The following COBL variants were observed in gnomAD, a reference collection of about 807,000 sequenced individuals.
The protein encoded by COBL is protein cordon-bleu.
Under a neutral mutation model 98.8 loss-of-function variants are expected in COBL, and 51 were observed. The observed-to-expected ratio is 0.52, with a 90% CI of 0.41 to 0.65. The LOEUF (loss-of-function observed/expected upper bound fraction) is 0.65, where lower values mean the gene tolerates loss of function less well. Among genes scored for constraint, COBL ranks in the 30% least tolerant of loss-of-function variants. The pLI is 0.00. For synonymous variants in COBL, 634 were observed against 651.7 expected (o/e 0.97, Z 0.41); for missense variants, 1,617 against 1,617.5 (o/e 1.00, Z 0.01).
chr7:51,154,450 T>G (rs1785900848), intron 5 of COBL, among the ~76,000 whole-genome samples: 1 of 152,176 alleles, frequency 6.6e-6, no homozygotes, highest in Admixed American at 6.5e-5. Context: ...CAAATAGGAT[T>G]CTAATGGAGG....
intron 11 of COBL, 120 bp downstream of exon 11, chr7:51,026,426 C>T (rs1222177008): frequency 8.1e-6 from 11 of 1,354,218 alleles, no homozygotes; most frequent in Non-Finnish European, 8.0e-6. Context: ...ACTCTAAAGA[C>T]AGATGGTTCA....
At position 51,184,716 on chromosome 7, in the gene COBL, G is replaced by A. The variant is rs1242557532; in HGVS notation, c.686-517C>T. Among the ~76,000 whole-genome samples the A allele has an allele frequency of 2.0e-5, 3 of 152,318 alleles. No individual in the cohort carries two copies. In the East Asian group the frequency reaches 5.8e-4, roughly 29 times the overall value. On this transcript the variant is annotated intron_variant, in intron 4 of 12. Transcript: ENST00000265136. Reference sequence around the variant, plus strand: ...AATCCAGCAGCCCTTTAGGCTTACAGCATATCAGTGTGGACTCGGTACATG... The same window carrying A: ...AATCCAGCAGCCCTTTAGGCTTACAACATATCAGTGTGGACTCGGTACATG...
intron 5 of COBL, among the ~76,000 whole-genome samples, chr7:51,138,529 G>T (rs530309249): frequency 6.6e-6 from 1 of 152,282 alleles, no homozygotes; most frequent in South Asian, 2.1e-4. Flanking sequence ...AGATCCAGGG[G>T]GAATGCAAAC....
intron 12 of COBL, chr7:51,020,853 C>T (rs537954203): frequency 6.6e-6 from 1 of 152,364 alleles, no homozygotes. Context: ...AATGTAATTT[C>T]AATTGCCTTG....
intron 8 of COBL, chr7:51,031,200 A>G: frequency 3.0e-6 from 1 of 335,234 alleles, no homozygotes. Flanking sequence ...GTGGGGCCCC[A>G]AAGTGTTACA....
chr7:51,017,939 C>T (rs1329835951), intron 12 of COBL, among the ~76,000 whole-genome samples: 1 of 152,212 alleles, frequency 6.6e-6, no homozygotes, highest in East Asian at 1.9e-4. Flanking sequence ...TCGTGACTAA[C>T]ATTTGATGTG....
intron 7 of COBL, among the ~76,000 whole-genome samples, chr7:51,049,436 G>A (rs1165799973): frequency 6.6e-6 from 1 of 152,160 alleles, no homozygotes; most frequent in Non-Finnish European, 1.5e-5. Context: ...ATGAATTCCA[G>A]GAAAGAATAC....
In COBL at chr7:51,028,659, G is replaced by A. The variant is rs780773513; in HGVS notation, c.2437C>T (p.Pro813Ser). Residue 813 changes from proline to serine, a missense_variant, in exon 10 of 13, where the codon CCA (proline) becomes TCA (serine). Physicochemically the swap from Pro to Ser is moderately conservative, Grantham distance 74. Coordinates refer to ENST00000265136, the MANE Select transcript of COBL (RefSeq NM_015198.5). Reference sequence around the variant, plus strand: ...GCAGACTTCTGCTGGGGCGATATTGGCTTGGGGTCTGCTTGGAGTCTGCTC... The same window carrying A: ...GCAGACTTCTGCTGGGGCGATATTGACTTGGGGTCTGCTTGGAGTCTGCTC... ...PESRLQADPK[P>S]ISPQQKSAHH... 1.9e-6 allele frequency: 3 copies of A among 1,612,988 alleles called. No homozygotes were observed. Among genetic ancestry groups the A allele is most frequent in the Non-Finnish European group, 2.5e-6 (3 of 1,179,366 alleles).
At chr7:51,018,104 C>T (rs1453709731) in intron 12 of COBL, among the ~76,000 whole-genome samples, 1 of 152,160 alleles carries the variant, frequency 6.6e-6, no homozygotes, top group Non-Finnish European at 1.5e-5. Flanking sequence ...ATGGTAAGCA[C>T]ACAGGAAGTA....
intron 12 of COBL, among the ~76,000 whole-genome samples, chr7:51,021,702 G>A (rs1411577936): frequency 1.3e-5 from 2 of 152,120 alleles, no homozygotes; most frequent in Non-Finnish European, 1.5e-5. Flanking sequence ...TTTGATGTTC[G>A]CATGCCATAA....
At chr7:51,148,041 T>C (rs953515471) in intron 5 of COBL, among the ~76,000 whole-genome samples, 4 of 152,080 alleles carry the variant, frequency 2.6e-5, no homozygotes, top group African/African-American at 7.2e-5. Flanking sequence ...GGATTACAGG[T>C]GTGAGCCACC....
intron 2 of COBL, among the ~76,000 whole-genome samples, chr7:51,214,881 TA>T (rs1792877350): frequency 6.6e-6 from 1 of 152,158 alleles, no homozygotes; most frequent in Non-Finnish European, 1.5e-5. Context: ...CAGGGAGGCC[TA>T]CAGGATACTC....
intron 6 of COBL, among the ~76,000 whole-genome samples, chr7:51,107,380 C>A (rs934913926): frequency 2.6e-5 from 4 of 152,122 alleles, no homozygotes; most frequent in Non-Finnish European, 5.9e-5. Context: ...AGCCACCACA[C>A]CCAGCCCTAG....
At chr7:51,171,558 G>A (rs1203521073) in intron 5 of COBL, among the ~76,000 whole-genome samples, 1 of 151,944 alleles carries the variant, frequency 6.6e-6, no homozygotes, top group East Asian at 1.9e-4. Flanking sequence ...TTTTTTAATT[G>A]TCTTTCATCT....
rs28508304 is a variant in COBL, at chr7:51,105,642, A to G, written c.958-20338T>C. 3.1e-3 allele frequency among the ~76,000 whole-genome samples: 474 copies of G among 152,002 alleles called. 1 individual carries two copies. The highest frequency in any genetic ancestry group is 0.011 in the African/African-American group (458 of 41,446). ...GACATGCACCTGTGGTCCCAGCTAC[A>G]CAGGAGGCTGAGGCAGGAGGATTGA... On this transcript the variant is annotated intron_variant, in intron 6 of 12. Coordinates refer to ENST00000265136, the MANE Select transcript of COBL (RefSeq NM_015198.5).
At chr7:51,163,548 T>C (rs1046126127) in intron 5 of COBL, among the ~76,000 whole-genome samples, 1 of 152,248 alleles carries the variant, frequency 6.6e-6, no homozygotes, top group African/African-American at 2.4e-5. Flanking sequence ...TTAATATTAA[T>C]CTATCACATT....
intron 1 of COBL, among the ~76,000 whole-genome samples, chr7:51,313,118 A>G (rs968315691): frequency 2.0e-5 from 3 of 152,356 alleles, no homozygotes; most frequent in African/African-American, 7.2e-5. Context: ...ATCTAACGGG[A>G]AAAGTTTTAT....
At position 51,085,308 on chromosome 7, in the gene COBL, T is replaced by G. The variant is rs1308479865; in HGVS notation, c.958-4A>C. 3.2e-6 allele frequency: 5 copies of G among 1,540,946 alleles called. No homozygotes were observed. Among genetic ancestry groups the G allele is most frequent in the Non-Finnish European group, 4.4e-6 (5 of 1,144,448 alleles). On this transcript the variant is annotated splice_region_variant and splice_polypyrimidine_tract_variant and intron_variant, in intron 6 of 12. Coordinates refer to ENST00000265136, the MANE Select transcript of COBL (RefSeq NM_015198.5). ...CAATCTGTGACCCAAGAGATACCTA[T>G]GAAGTACAAAGAAGGAAAGTACAAT...
chr7:51,161,298 G>A (rs1377038823), intron 5 of COBL, among the ~76,000 whole-genome samples: 3 of 152,224 alleles, frequency 2.0e-5, no homozygotes, highest in Admixed American at 6.5e-5. Flanking sequence ...GATCAGCTGG[G>A]TGGAAATGCA....
Sources: gnomAD v4.1 joint callset for allele counts (sites outside exome capture counted in the v4.1 genomes callset) on GRCh38, gnomAD v4.1.1 for gene constraint, MANE v1.5 for transcripts, NCBI Gene and HGNC (gene_info 2026-07-23, HGNC 2026-07-21) for gene names.